C14orf93: variants seen among roughly 807,000 people sequenced by gnomAD.
The protein encoded by C14orf93 is uncharacterized protein C14orf93.
Under a neutral mutation model 44.0 loss-of-function variants are expected in C14orf93, and 23 were observed. The observed-to-expected ratio is 0.52, with a 90% CI of 0.38 to 0.74. The LOEUF (loss-of-function observed/expected upper bound fraction) is 0.74. C14orf93 is among the 30% of genes least tolerant of loss of function. The pLI, the probability that C14orf93 is intolerant of heterozygous loss-of-function variation, is 0.00. For synonymous variants in C14orf93, 253 were observed against 265.7 expected, an observed-to-expected ratio of 0.95 and a Z score of 0.46; for missense variants, 579 against 678.9, an observed-to-expected ratio of 0.85 and a Z score of 1.64.
intron 5 of C14orf93, 81 bp from the exon 6 acceptor site, chr14:22,988,096 A>C: frequency 3.5e-6 from 3 of 849,752 alleles, no homozygotes; most frequent in Non-Finnish European, 5.7e-6. Context: ...CCCTAACACT[A>C]TTGAATGGGA....
chr14:23,008,968 G>A lies in C14orf93; in HGVS notation c.-380+1133C>T, dbSNP rs76948331. Among the ~76,000 whole-genome samples, 374 of 152,080 alleles carry A rather than the reference G, an allele frequency of 2.5e-3. 1 individual carries two copies. Among genetic ancestry groups the A allele is most frequent in the African/African-American group, 8.6e-3 (356 of 41,446 alleles). On this transcript the variant is annotated intron_variant, in intron 1 of 6. Transcript: ENST00000299088. Reference sequence around the variant, plus strand: ...TTTTCGAATATTCCAACCAATAAACGACCATTTTGTCAAAAAGCCAAGAAA... The same window carrying A: ...TTTTCGAATATTCCAACCAATAAACAACCATTTTGTCAAAAAGCCAAGAAA...
chr14:23,009,842 G>A (rs2046790829), intron 1 of C14orf93, among the ~76,000 whole-genome samples: 1 of 151,386 alleles, frequency 6.6e-6, no homozygotes, highest in Non-Finnish European at 1.5e-5. Flanking sequence ...CTTAAAATGT[G>A]ATTTAAAAAA....
intron 3 of C14orf93, among the ~76,000 whole-genome samples, chr14:22,995,477 C>T (rs1297573473): frequency 3.3e-5 from 5 of 151,976 alleles, no homozygotes; most frequent in African/African-American, 1.2e-4. Context: ...CTCAGGAGTT[C>T]GAGACCAGCC....
intron 3 of C14orf93, chr14:22,994,024 G>A (rs1448004080): frequency 6.6e-6 from 1 of 152,264 alleles, no homozygotes; most frequent in African/African-American, 2.4e-5. Flanking sequence ...GCATGATGGT[G>A]AGTGAGGATA....
chr14:22,987,975 G>A lies in C14orf93; in HGVS notation c.1125C>T (p.Tyr375=). The A allele has an allele frequency of 1.2e-6, 2 of 1,613,824 alleles. No individual in the cohort carries two copies. Among genetic ancestry groups the A allele is most frequent in the Non-Finnish European group, 1.7e-6 (2 of 1,179,850 alleles). The part of the protein sequence containing the change: ...VAYFLTKRRE[Y]RNSLNPFKGL... ...CTTTAAAGGGGTTCAGGGAGTTGCG[G>A]TACTCACGCCTCTTAGTAAGGAAGT... Residue 375 remains tyrosine, a synonymous_variant, in exon 6 of 7, where the codon TAC becomes TAT. Transcript: ENST00000299088. This position sits in a 1 kb window ranked among gnomAD's most constrained non-coding sequence, Gnocchi z 5.6.
At position 22,999,028 on chromosome 14, in the gene C14orf93, G is replaced by T; in HGVS notation, c.-5C>A. ...AATGGTGGCACTGAAGGACATGGCGGATGGGGCAGTAACAACCACGCTTAC... is the reference window on the plus strand; with the variant it reads ...AATGGTGGCACTGAAGGACATGGCGTATGGGGCAGTAACAACCACGCTTAC... On this transcript the variant is annotated 5_prime_UTR_variant, in exon 2 of 7. Coordinates refer to ENST00000299088, the MANE Select transcript of C14orf93 (RefSeq NM_021944.4). 1 of 1,603,108 alleles carries T rather than the reference G, an allele frequency of 6.2e-7. No individual in the cohort carries two copies.
At position 22,998,948 on chromosome 14, in the gene C14orf93, T is replaced by G. The variant is rs1345499541; in HGVS notation, c.76A>C (p.Ser26Arg). 6.2e-7 allele frequency: 1 copy of G among 1,613,818 alleles called. No homozygotes were observed. Among genetic ancestry groups the G allele is most frequent in the African/African-American group, 1.3e-5 (1 of 74,876 alleles). The change falls in exon 2 of 7, where the codon AGT (serine) becomes CGT (arginine). Residue 26 changes from serine (S) to arginine (R), a missense_variant. Coordinates refer to ENST00000299088, the MANE Select transcript of C14orf93 (RefSeq NM_021944.4). The stretch of plus-strand genomic sequence containing the variant: ...CCTGTGTTGCCTCCATTAGTCTCAC[T>G]CTTACAGGCGCAGCAGCAGCATCTG... ...EARCCCCACK[S>R]ETNGGNTGSQ...
At chr14:22,990,692 C>T (rs972456350) in intron 3 of C14orf93, among the ~76,000 whole-genome samples, 2 of 152,144 alleles carry the variant, frequency 1.3e-5, no homozygotes, top group Non-Finnish European at 2.9e-5. Context: ...TGGTCTTAAA[C>T]TCCTGATCTC....
At chr14:22,990,196 A>C in intron 3 of C14orf93, 69 bp from the exon 4 acceptor site, 3 of 1,376,782 alleles carry the variant, frequency 2.2e-6, no homozygotes, top group Non-Finnish European at 3.1e-6. Context: ...TCTGGTCCCT[A>C]GGGTAAAAAG....
Position 22,987,802 on chromosome 14 carries a change from C to T in C14orf93, c.1197+101G>A. ...TGTTCTTCTCTATCTTCCTACATTC[C>T]TGGCTCTCAACCCTATTCTCATATG... On this transcript the variant is annotated intron_variant, in intron 6 of 6. Coordinates refer to ENST00000299088, the MANE Select transcript of C14orf93 (RefSeq NM_021944.4). The surrounding 1 kb of genome is among the most constrained non-coding windows in gnomAD (Gnocchi z 5.6). 1 of 1,235,802 alleles carries T rather than the reference C, an allele frequency of 8.1e-7. No homozygotes were observed. Among genetic ancestry groups the T allele is most frequent in the Non-Finnish European group, 1.1e-6 (1 of 873,046 alleles). 76.6% of individuals were successfully genotyped at this position (1,235,802 alleles called of 1,614,324 possible).
intron 1 of C14orf93, among the ~76,000 whole-genome samples, chr14:23,003,426 C>T (rs771627942): frequency 6.6e-6 from 1 of 152,158 alleles, no homozygotes; most frequent in Non-Finnish European, 1.5e-5. Context: ...AACCAGGTAA[C>T]TACTTAAGTG....
intron 1 of C14orf93, chr14:23,006,291 G>C (rs531456486): frequency 6.6e-6 from 1 of 152,278 alleles, no homozygotes; most frequent in Non-Finnish European, 1.5e-5. Flanking sequence ...TATCACACAA[G>C]AGCAGCTAAG....
At position 22,996,329 on chromosome 14, in the gene C14orf93, A is replaced by G; in HGVS notation, c.598-61T>C. On this transcript the variant is annotated intron_variant, in intron 2 of 6. Coordinates refer to ENST00000299088, the MANE Select transcript of C14orf93 (RefSeq NM_021944.4). The surrounding 1 kb of genome is among the most constrained non-coding windows in gnomAD (Gnocchi z 4.1). ...CAGGCTTAGGGGAACCTGGTTAACC[A>G]TCATTCTTTGGCTAAGAATAGTGAA... The G allele has an allele frequency of 6.8e-7, 1 of 1,470,494 alleles. No individual in the cohort carries two copies. Among genetic ancestry groups the G allele is most frequent in the South Asian group, 1.4e-5 (1 of 73,438 alleles). The allele number at this position is 1,470,494 out of a possible 1,614,324, so 91.1% of individuals were successfully genotyped here.
At chr14:22,990,015 C>T (rs1455986405) in intron 4 of C14orf93, 51 bp downstream of exon 4, 5 of 1,542,496 alleles carry the variant, frequency 3.2e-6, no homozygotes, top group Non-Finnish European at 4.5e-6. Flanking sequence ...CCTCTACTTC[C>T]CTGTCCTTAG....
intron 1 of C14orf93, chr14:23,005,537 T>TCAAATGA (rs2046581357): frequency 6.6e-6 from 1 of 152,194 alleles, no homozygotes; most frequent in African/African-American, 2.4e-5. Context: ...ATTTTAAATT[T>TCAAATGA]CAAATGATGG....
At chr14:23,002,863 A>AAT (rs2046383011) in intron 1 of C14orf93, 1 of 152,088 alleles carries the variant, frequency 6.6e-6, no homozygotes. Context: ...CTGATTCCCT[A>AAT]ATTTTGAATA....
intron 4 of C14orf93, 78 bp from the exon 5 acceptor site, chr14:22,989,923 A>C (rs1293184963): frequency 6.8e-7 from 1 of 1,471,974 alleles, no homozygotes; most frequent in African/African-American, 1.4e-5. Context: ...AGCACTAATC[A>C]ACTTTGTGGC....
intron 1 of C14orf93, among the ~76,000 whole-genome samples, chr14:23,001,555 C>G (rs2046296861): frequency 6.6e-6 from 1 of 152,120 alleles, no homozygotes; most frequent in South Asian, 2.1e-4. Flanking sequence ...AGCTCTGCCT[C>G]CCAGGTTCAA....
chr14:22,990,802 A>T (rs538440157), intron 3 of C14orf93, among the ~76,000 whole-genome samples: 4 of 143,978 alleles, frequency 2.8e-5, no homozygotes, highest in East Asian at 4.1e-4. Flanking sequence ...CTTCTCTTGC[A>T]CTTTTTTTTC....
Sources: gnomAD v4.1 joint callset for allele counts (sites outside exome capture counted in the v4.1 genomes callset) on GRCh38, gnomAD v4.1.1 for gene constraint, Gnocchi (gnomAD v3.1) non-coding constraint, MANE v1.5 for transcripts, NCBI Gene and HGNC (gene_info 2026-07-23, HGNC 2026-07-21) for gene names.